Variants in DSG2 observed in about 807,000 individuals in gnomAD.
The protein encoded by DSG2 is desmoglein 2.
In DSG2, 45 loss-of-function variants were observed where a neutral mutation model predicts 75.6. That is an observed-to-expected ratio of 0.60 (90% confidence interval 0.47 to 0.76). The LOEUF is 0.76. Ranked by LOEUF, DSG2 falls within the 30% of genes least tolerant of loss-of-function variation. The pLI, the probability that DSG2 is intolerant of heterozygous loss-of-function variation, is 0.00. For synonymous variants in DSG2, 429 were observed against 483.9 expected (o/e 0.89, Z 1.49); for missense variants, 1,267 against 1,357.4 (o/e 0.93, Z 1.05).
intron 1 of DSG2, among the ~76,000 whole-genome samples, chr18:31,506,413 C>T (rs182328159): frequency 6.6e-6 from 1 of 152,266 alleles, no homozygotes; most frequent in East Asian, 1.9e-4. Flanking sequence ...CTTTCTAAAG[C>T]CCTTGATTTT....
chr18:31,545,576 T>C, intron 14 of DSG2, 145 bp from the exon 15 acceptor site: 2 of 995,290 alleles, frequency 2.0e-6, no homozygotes, highest in Non-Finnish European at 3.0e-6. Context: ...AGGATCTCTC[T>C]CAATTTGTGT....
intron 6 of DSG2, 102 bp downstream of exon 6, chr18:31,522,351 A>T: frequency 8.6e-7 from 1 of 1,157,418 alleles, no homozygotes; most frequent in Non-Finnish European, 1.3e-6. Context: ...TGTATTCCTT[A>T]TCCATAGGAT....
At chr18:31,499,820 T>G (rs1030135157) in intron 1 of DSG2, among the ~76,000 whole-genome samples, 3 of 152,190 alleles carry the variant, frequency 2.0e-5, no homozygotes, top group African/African-American at 7.2e-5. Flanking sequence ...ATCTTTCATT[T>G]TAGCAATTTG....
intron 1 of DSG2, among the ~76,000 whole-genome samples, chr18:31,500,824 A>G (rs912576026): frequency 6.6e-6 from 1 of 152,216 alleles, no homozygotes; most frequent in East Asian, 1.9e-4. Flanking sequence ...TTTGCAATCC[A>G]TCAACTCCCA....
rs555529688 is a variant in DSG2, at chr18:31,540,177, C to A, written c.1880-1016C>A. Among the ~76,000 whole-genome samples the A allele has an allele frequency of 2.0e-5, 3 of 152,232 alleles. No individual in the cohort carries two copies. In the South Asian group the frequency reaches 6.2e-4, roughly 32 times the overall value. On this transcript the variant is annotated intron_variant, in intron 12 of 14. Coordinates refer to ENST00000261590, the MANE Select transcript of DSG2 (RefSeq NM_001943.5). ...ACTTGAGTCATCCCAAAACCAACCCCCCTACCCCTAACTTCCCTGTGGAAA... is the reference window on the plus strand; with the variant it reads ...ACTTGAGTCATCCCAAAACCAACCCACCTACCCCTAACTTCCCTGTGGAAA...
At chr18:31,500,914 C>T (rs1356464087) in intron 1 of DSG2, among the ~76,000 whole-genome samples, 1 of 152,164 alleles carries the variant, frequency 6.6e-6, no homozygotes, top group African/African-American at 2.4e-5. Context: ...TAACTTCGGA[C>T]TGAAATTTAG....
chr18:31,519,906 AG>A lies in DSG2; in HGVS notation c.187del (p.Asp63IlefsTer49). On this transcript the variant is annotated frameshift_variant, in exon 3 of 15. Coordinates refer to ENST00000261590, the MANE Select transcript of DSG2 (RefSeq NM_001943.5). LOFTEE classifies it high-confidence loss of function. ...GCCCCCGTGGCTCTTCGGGAGGGAG[AG>A]GATCTGTCCAAGAAGAATCCAATTG... ...ITAPVALREG[E>X]DLSKKNPIAK... 6.2e-7 allele frequency: 1 copy of A among 1,614,134 alleles called. No homozygotes were observed. Among genetic ancestry groups the A allele is most frequent in the East Asian group, 2.2e-5 (1 of 44,868 alleles).
intron 6 of DSG2, among the ~76,000 whole-genome samples, chr18:31,523,590 A>G (rs960186988): frequency 2.0e-5 from 3 of 152,202 alleles, no homozygotes; most frequent in Non-Finnish European, 2.9e-5. Context: ...ACAAGCTGCT[A>G]TTTCTAAAGG....
intron 1 of DSG2, 65 bp downstream of exon 1, chr18:31,498,361 C>A: frequency 8.0e-7 from 1 of 1,242,818 alleles, no homozygotes; most frequent in Non-Finnish European, 1.0e-6. Flanking sequence ...GAGGTCTAGA[C>A]CTCGCGACCA....
chr18:31,536,416 A>G lies in DSG2; in HGVS notation c.1638A>G (p.Ile546Met). The change falls in exon 11 of 15, where the codon ATA becomes ATG. Residue 546 changes from isoleucine to methionine, a missense_variant. Coordinates refer to ENST00000261590, the MANE Select transcript of DSG2 (RefSeq NM_001943.5). ...CTGGCATGGCAGAAAAATGGAAAAT[A>G]GCACGCCAAGAAAGTAAGCAAAATC... Reference protein sequence around the residue: ...KPPGMAEKWKIARQESTSVLL... With the variant: ...KPPGMAEKWKMARQESTSVLL... 1 of 1,613,696 alleles carries G rather than the reference A, an allele frequency of 6.2e-7. No individual in the cohort carries two copies. The highest frequency in any genetic ancestry group is 8.5e-7 in the Non-Finnish European group (1 of 1,180,024).
intron 1 of DSG2, among the ~76,000 whole-genome samples, chr18:31,507,956 T>C (rs1219892543): frequency 6.6e-6 from 1 of 152,252 alleles, no homozygotes; most frequent in Non-Finnish European, 1.5e-5. Flanking sequence ...CAATTTTGGC[T>C]TTTGTTGCCA....
In DSG2 at chr18:31,547,289, A is replaced by AAAT. The variant is rs2073320015; in HGVS notation, c.*547_*549dup. ...ACCCTTTCAATCTGTGTGATTCATT[A>AAAT]AATTGGACCATTGATGATAAGAATA... On this transcript the variant is annotated 3_prime_UTR_variant, in exon 15 of 15. Transcript: ENST00000261590. The AAAT allele has an allele frequency of 4.8e-6, 1 of 208,176 alleles. No individual in the cohort carries two copies. Among genetic ancestry groups the AAAT allele is most frequent in the South Asian group, 9.1e-5 (1 of 10,980 alleles). The allele number at this position is 208,176 out of a possible 1,614,324, so 12.9% of individuals were successfully genotyped here. A position where few individuals can be genotyped will look rare whatever the true frequency, so the allele number is the denominator to read the frequency against.
intron 1 of DSG2, among the ~76,000 whole-genome samples, chr18:31,516,770 A>T (rs2073096805): frequency 6.6e-6 from 1 of 152,242 alleles, no homozygotes; most frequent in African/African-American, 2.4e-5. Context: ...ATAGGTTTCT[A>T]GAGTTGAGAG....
chr18:31,501,014 T>C (rs891739631), intron 1 of DSG2, among the ~76,000 whole-genome samples: 8 of 152,322 alleles, frequency 5.3e-5, no homozygotes, highest in Non-Finnish European at 8.8e-5. Context: ...TAAATACCTT[T>C]ACATCTTATG....
At chr18:31,517,523 G>A (rs1208322862) in intron 1 of DSG2, among the ~76,000 whole-genome samples, 2 of 152,172 alleles carry the variant, frequency 1.3e-5, no homozygotes, top group Non-Finnish European at 2.9e-5. Context: ...CAAATTATAT[G>A]AATGTATTAA....
At chr18:31,502,087 G>A (rs1040746441) in intron 1 of DSG2, among the ~76,000 whole-genome samples, 1 of 152,162 alleles carries the variant, frequency 6.6e-6, no homozygotes, top group Admixed American at 6.5e-5. Context: ...ATGGGAAAAT[G>A]GCAGCTCTTA....
At chr18:31,523,726 C>T (rs2073143393) in intron 6 of DSG2, among the ~76,000 whole-genome samples, 1 of 152,176 alleles carries the variant, frequency 6.6e-6, no homozygotes, top group African/African-American at 2.4e-5. Flanking sequence ...GAGGCAGATT[C>T]ACTTATTATC....
intron 1 of DSG2, among the ~76,000 whole-genome samples, chr18:31,515,013 C>A (rs1488434331): frequency 6.6e-6 from 1 of 152,102 alleles, no homozygotes; most frequent in Non-Finnish European, 1.5e-5. Context: ...ATAAAAGTAG[C>A]AAATATTCAG....
At chr18:31,536,912 T>TTACCCC (rs1255506849) in intron 11 of DSG2, among the ~76,000 whole-genome samples, 1 of 152,192 alleles carries the variant, frequency 6.6e-6, no homozygotes, top group Admixed American at 6.5e-5. Context: ...AGCTCAAACC[T>TTACCCC]AGAACATGAT....
Sources: gnomAD v4.1 joint callset for allele counts (sites outside exome capture counted in the v4.1 genomes callset) on GRCh38, gnomAD v4.1.1 for gene constraint, MANE v1.5 for transcripts, NCBI Gene and HGNC (gene_info 2026-07-23, HGNC 2026-07-21) for gene names.